Variants in MECOM observed in about 807,000 individuals in gnomAD.
MECOM encodes the protein MDS1 and EVI1 complex locus.
A neutral mutation model predicts 116.3 loss-of-function variants in MECOM; 13 were observed. That is an observed-to-expected ratio of 0.11 (90% CI 0.07 to 0.18). MECOM has a LOEUF of 0.18. Among genes scored for constraint, MECOM ranks in the 10% least tolerant of loss-of-function variants. The probability of loss-of-function intolerance (pLI) is 1.00; values close to 1 mark genes in which losing one functional copy is unlikely to be tolerated. For synonymous variants in MECOM, 528 were observed against 535.2 expected, an observed-to-expected ratio of 0.99 and a Z score of 0.19; for missense variants, 1,299 against 1,509.0, an observed-to-expected ratio of 0.86 and a Z score of 2.31.
chr3:169,221,563 A>C (rs1427062219), intron 2 of MECOM, among the ~76,000 whole-genome samples: 1 of 142,106 alleles, frequency 7.0e-6, no homozygotes, highest in Non-Finnish European at 1.5e-5. Context: ...ACGTAAAGAG[A>C]TGTTAAAAAA....
intron 1 of MECOM, among the ~76,000 whole-genome samples, chr3:169,528,228 C>T (rs1758181974): frequency 6.6e-6 from 1 of 152,056 alleles, no homozygotes; most frequent in Non-Finnish European, 1.5e-5. Flanking sequence ...TAAATGTAAC[C>T]CAATGATCAA....
At chr3:169,119,097 G>A (rs1023256449) in intron 7 of MECOM, among the ~76,000 whole-genome samples, 1 of 152,186 alleles carries the variant, frequency 6.6e-6, no homozygotes, top group African/African-American at 2.4e-5. Flanking sequence ...AAAGCTGTAG[G>A]TTTCTGTAAA....
At chr3:169,641,292 G>A (rs1773457523) in intron 1 of MECOM, among the ~76,000 whole-genome samples, 2 of 152,216 alleles carry the variant, frequency 1.3e-5, no homozygotes, top group South Asian at 4.1e-4. Context: ...CCTCAGGACA[G>A]GATCGGCTGA....
intron 1 of MECOM, among the ~76,000 whole-genome samples, chr3:169,444,791 T>C (rs955691623): frequency 1.3e-5 from 2 of 152,254 alleles, no homozygotes; most frequent in Non-Finnish European, 2.9e-5. Context: ...TAGAGACTTG[T>C]TGAATGGCTT....
chr3:169,660,561 G>T (rs1776151156), intron 1 of MECOM, among the ~76,000 whole-genome samples: 1 of 151,814 alleles, frequency 6.6e-6, no homozygotes, highest in Admixed American at 6.6e-5. Flanking sequence ...AGAACAACAA[G>T]CTACCGAGAA....
At chr3:169,332,886 C>T (rs191126082) in intron 2 of MECOM, among the ~76,000 whole-genome samples, 39 of 152,108 alleles carry the variant, frequency 2.6e-4, no homozygotes, top group Admixed American at 2.0e-3. Flanking sequence ...CAAGTCTATG[C>T]TAACCCATGC....
At chr3:169,410,492 AG>A (rs1737374398) in intron 1 of MECOM, among the ~76,000 whole-genome samples, 1 of 152,188 alleles carries the variant, frequency 6.6e-6, no homozygotes, top group Admixed American at 6.5e-5. Context: ...AAGGACAATA[AG>A]AGAGGCCTAT....
At chr3:169,112,084 C>T (rs190158237) in intron 9 of MECOM, among the ~76,000 whole-genome samples, 2 of 151,992 alleles carry the variant, frequency 1.3e-5, no homozygotes, top group East Asian at 3.9e-4. Context: ...GTTTATATAC[C>T]GTATTTGTTC....
In MECOM at chr3:169,470,620, T is replaced by G. The variant is rs1199625502; in HGVS notation, c.38-89096A>C. ...AAGAAAGTGATATGTATTAGACTGT[T>G]CTATTCCTGGCCACAGAGAGAGAAA... On this transcript the variant is annotated intron_variant, in intron 1 of 16. Coordinates refer to ENST00000651503, the MANE Select transcript of MECOM (RefSeq NM_004991.4). 2.0e-5 allele frequency among the ~76,000 whole-genome samples: 3 copies of G among 152,088 alleles called. No individual in the cohort carries two copies. In the East Asian group the frequency reaches 5.8e-4, roughly 29 times the overall value.
chr3:169,466,546 C>A (rs1748333437), intron 1 of MECOM, among the ~76,000 whole-genome samples: 2 of 152,156 alleles, frequency 1.3e-5, no homozygotes, highest in African/African-American at 4.8e-5. Context: ...CATAACCAAT[C>A]CAGAGTCTGA....
At position 169,169,643 on chromosome 3, in the gene MECOM, C is replaced by A. The variant is rs559143009; in HGVS notation, c.376-25811G>T. Among the ~76,000 whole-genome samples, 3 of 152,156 alleles carry A rather than the reference C, an allele frequency of 2.0e-5. No individual in the cohort carries two copies. The South Asian group carries it at 6.2e-4, about 32-fold the overall frequency. On this transcript the variant is annotated intron_variant, in intron 2 of 16. Coordinates refer to ENST00000651503, the MANE Select transcript of MECOM (RefSeq NM_004991.4). ...CAGTACCTCTTGTACTTAAAAAAAA[C>A]CTTCAGAATATAATTCCAAAATGTG...
intron 2 of MECOM, among the ~76,000 whole-genome samples, chr3:169,342,396 C>T (rs575827706): frequency 2.8e-4 from 43 of 151,942 alleles, no homozygotes; most frequent in Non-Finnish European, 5.6e-4. Context: ...AATAGTATAT[C>T]TAAACTTAAT....
At chr3:169,167,400 C>A (rs1743761030) in intron 2 of MECOM, among the ~76,000 whole-genome samples, 1 of 152,098 alleles carries the variant, frequency 6.6e-6, no homozygotes, top group African/African-American at 2.4e-5. Flanking sequence ...TAAGGATGGG[C>A]AGGGAGTGGA....
chr3:169,311,905 T>A (rs919656440), intron 2 of MECOM, among the ~76,000 whole-genome samples: 1 of 152,180 alleles, frequency 6.6e-6, no homozygotes, highest in Non-Finnish European at 1.5e-5. Flanking sequence ...GTTCACATTT[T>A]AAAAAATAAT....
At chr3:169,584,393 G>A (rs1188630870) in intron 1 of MECOM, among the ~76,000 whole-genome samples, 13 of 151,184 alleles carry the variant, frequency 8.6e-5, no homozygotes, top group East Asian at 7.8e-4. Context: ...GTGAAACCCC[G>A]TCTCTACTAA....
chr3:169,368,233 A>G (rs1729511810), intron 2 of MECOM, among the ~76,000 whole-genome samples: 1 of 152,062 alleles, frequency 6.6e-6, no homozygotes, highest in South Asian at 2.1e-4. Context: ...CGGTTACATC[A>G]TGAAAGACCA....
chr3:169,306,092 T>C (rs184901063), intron 2 of MECOM, among the ~76,000 whole-genome samples: 1 of 152,334 alleles, frequency 6.6e-6, no homozygotes, highest in Admixed American at 6.5e-5. Context: ...CTTTGTAATA[T>C]AATTCTGATT....
intron 2 of MECOM, among the ~76,000 whole-genome samples, chr3:169,171,490 A>G (rs1744395405): frequency 6.6e-6 from 1 of 152,176 alleles, no homozygotes; most frequent in Non-Finnish European, 1.5e-5. Flanking sequence ...GTTTTATGAC[A>G]GAGTTATAAA....
At chr3:169,289,027 A>G (rs1338310145) in intron 2 of MECOM, among the ~76,000 whole-genome samples, 1 of 152,242 alleles carries the variant, frequency 6.6e-6, no homozygotes, top group Non-Finnish European at 1.5e-5. Flanking sequence ...ACGTCGTTGC[A>G]TTTATCTGAA....
Sources: allele counts gnomAD v4.1 joint callset (sites outside exome capture counted in the v4.1 genomes callset), GRCh38; gene constraint gnomAD v4.1.1; transcripts MANE v1.5; gene names NCBI Gene and HGNC (gene_info 2026-07-23, HGNC 2026-07-21).